Variants in ACTR3C observed in about 807,000 individuals in gnomAD.
The protein encoded by ACTR3C is actin-related protein 3C.
A neutral mutation model predicts 26.3 loss-of-function variants in ACTR3C; 18 were observed. The observed-to-expected ratio is 0.68, with a 90% CI of 0.47 to 1.01. The LOEUF is 1.01. Ranked by LOEUF, ACTR3C falls within the 50% of genes least tolerant of loss-of-function variation. The pLI is 0.00. For missense variants in ACTR3C, 184 were observed against 250.7 expected, an observed-to-expected ratio of 0.73 and a Z score of 1.80; for synonymous variants, 55 against 94.5, an observed-to-expected ratio of 0.58 and a Z score of 2.42.
intron 1 of ACTR3C, among the ~76,000 whole-genome samples, chr7:150,314,048 G>A (rs182123300): frequency 9.2e-5 from 14 of 152,314 alleles, no homozygotes; most frequent in East Asian, 5.8e-4. Flanking sequence ...CCTCCAGGGC[G>A]AGTGAGCTTC....
chr7:149,994,444 A>G, the ACTR3C span, among the ~76,000 whole-genome samples: 3 of 152,088 alleles, frequency 2.0e-5, no homozygotes, highest in Non-Finnish European at 4.4e-5. Flanking sequence ...CAAAAATACA[A>G]AAATTAGCTG....
At chr7:150,019,606 AATAATAAT>A in the ACTR3C span, among the ~76,000 whole-genome samples, 1 of 57,566 alleles carries the variant, frequency 1.7e-5, no homozygotes, top group African/African-American at 6.1e-5. Flanking sequence ...TAAAAATAAT[AATAATAAT>A]AATAATAATA....
chr7:149,995,200 T>C, the ACTR3C span, among the ~76,000 whole-genome samples: 1 of 152,234 alleles, frequency 6.6e-6, no homozygotes, highest in African/African-American at 2.4e-5. Context: ...AGTTACAGAA[T>C]GTAAAGGATT....
At chr7:150,176,124 T>C in the ACTR3C span, among the ~76,000 whole-genome samples, 1 of 150,808 alleles carries the variant, frequency 6.6e-6, no homozygotes. Flanking sequence ...AAAACACATA[T>C]AATTTCCCAA....
At chr7:149,929,536 T>TC in the ACTR3C span, among the ~76,000 whole-genome samples, 1 of 145,702 alleles carries the variant, frequency 6.9e-6, no homozygotes, top group East Asian at 2.0e-4. Context: ...TGACTTTTTT[T>TC]TTTTTTTTTT....
the ACTR3C span, among the ~76,000 whole-genome samples, chr7:150,072,604 A>G: frequency 0.39 from 52,760 of 134,830 alleles, 10,955 homozygotes; most frequent in East Asian, 0.61. Flanking sequence ...CCGGCCGGTG[A>G]TGACAAAGCA....
At chr7:150,234,850 C>G in the ACTR3C span, among the ~76,000 whole-genome samples, 1 of 152,132 alleles carries the variant, frequency 6.6e-6, no homozygotes, top group African/African-American at 2.4e-5. Context: ...TCTTAATGTA[C>G]CTTTTTTTGA....
chr7:149,983,588 T>A, the ACTR3C span, among the ~76,000 whole-genome samples: 1 of 150,510 alleles, frequency 6.6e-6, no homozygotes, highest in Admixed American at 6.6e-5. Flanking sequence ...ACACTAAAAA[T>A]AGAACCACCA....
chr7:149,944,994 G>A, the ACTR3C span, among the ~76,000 whole-genome samples: 1 of 151,748 alleles, frequency 6.6e-6, no homozygotes, highest in Non-Finnish European at 1.5e-5. Context: ...TCGTGGGCAG[G>A]TGATGCTCAA....
chr7:150,316,922 T>C (rs1255527580), intron 1 of ACTR3C, among the ~76,000 whole-genome samples: 1 of 152,222 alleles, frequency 6.6e-6, no homozygotes, highest in Non-Finnish European at 1.5e-5. Context: ...TCCATTTATT[T>C]AGGTCTTCTT....
chr7:150,254,693 A>C (rs901968096), intron 6 of ACTR3C, among the ~76,000 whole-genome samples: 57 of 151,830 alleles, frequency 3.8e-4, no homozygotes, highest in Non-Finnish European at 5.6e-4. Flanking sequence ...CACTACATAC[A>C]CCCATCATTT....
chr7:149,932,035 A>G, the ACTR3C span, among the ~76,000 whole-genome samples: 2 of 152,378 alleles, frequency 1.3e-5, no homozygotes, highest in South Asian at 4.1e-4. Flanking sequence ...TGAGCATAAC[A>G]GTTCATAGCA....
chr7:150,252,723 T>G (rs57043892), intron 6 of ACTR3C, among the ~76,000 whole-genome samples: 5,245 of 150,794 alleles, frequency 0.035, 287 homozygotes, highest in African/African-American at 0.12. Context: ...ACTAATATTT[T>G]ATTTGAAGTA....
chr7:149,955,565 G>A, the ACTR3C span, among the ~76,000 whole-genome samples: 10 of 152,244 alleles, frequency 6.6e-5, no homozygotes, highest in East Asian at 3.9e-4. Context: ...GAAAAGAGTC[G>A]TAAGGTGCAT....
At chr7:150,210,704 T>C in the ACTR3C span, among the ~76,000 whole-genome samples, 1,360 of 146,646 alleles carry the variant, frequency 9.3e-3, 14 homozygotes, top group Middle Eastern at 0.017. Context: ...AAAAAAAGAT[T>C]GGTTTTCCTT....
the ACTR3C span, among the ~76,000 whole-genome samples, chr7:150,120,940 A>G: frequency 5.9e-5 from 9 of 152,226 alleles, no homozygotes; most frequent in African/African-American, 2.2e-4. Flanking sequence ...ACATATGCAA[A>G]TCAATAAACA....
chr7:150,044,174 G>A, the ACTR3C span, among the ~76,000 whole-genome samples: 17 of 152,072 alleles, frequency 1.1e-4, 1 homozygote, highest in Admixed American at 9.8e-4. Flanking sequence ...GGCCTCCAAA[G>A]CCCTTTAAAA....
the ACTR3C span, among the ~76,000 whole-genome samples, chr7:149,954,053 C>T: frequency 6.2e-4 from 88 of 142,616 alleles, no homozygotes; most frequent in East Asian, 7.9e-4. Context: ...TTTCCCCATA[C>T]GCTGAAGTTT....
rs1455962130 is a variant in ACTR3C, at chr7:150,274,512, CGAAACT to C, written c.564+10235_564+10240del. ...CACCATTCACTTCACTGGGATGGTC[CGAAACT>C]GAACCCACAAAATCTCCAAGTTATG... On this transcript the variant is annotated intron_variant, in intron 6 of 7. Transcript: ENST00000683684. This position sits in a 1 kb window ranked among gnomAD's most constrained non-coding sequence, Gnocchi z 4.1. 6.6e-6 allele frequency among the ~76,000 whole-genome samples: 1 copy of C among 152,114 alleles called. No individual in the cohort carries two copies. Among genetic ancestry groups the C allele is most frequent in the Non-Finnish European group, 1.5e-5 (1 of 68,016 alleles).
Sources: allele counts gnomAD v4.1 joint callset (sites outside exome capture counted in the v4.1 genomes callset), GRCh38; gene constraint gnomAD v4.1.1; non-coding constraint Gnocchi (gnomAD v3.1); transcripts MANE v1.5; gene names NCBI Gene and HGNC (gene_info 2026-07-23, HGNC 2026-07-21).